The following RAD51C variants were observed in gnomAD, a reference collection of about 807,000 sequenced individuals.
The protein encoded by RAD51C is RAD51 paralog C, also known as DNA repair protein RAD51 homolog 3.
RAD51C carries 42 observed loss-of-function variants against 45.0 expected under a neutral mutation model. That is an observed-to-expected ratio of 0.93 (90% CI 0.73 to 1.21). RAD51C has a LOEUF of 1.21. Among genes scored for constraint, RAD51C ranks in the 50% most tolerant of loss-of-function variants. The pLI, the probability that RAD51C is intolerant of heterozygous loss-of-function variation, is 0.00. For missense variants in RAD51C, 474 were observed against 452.2 expected (o/e 1.05, Z -0.44); for synonymous variants, 172 against 159.8 (o/e 1.08, Z -0.58).
chr17:58,698,758 TA>T (rs1567790439), intron 3 of RAD51C, among the ~76,000 whole-genome samples: 2 of 151,058 alleles, frequency 1.3e-5, no homozygotes, highest in African/African-American at 4.8e-5. Context: ...CCGTCTGTAC[TA>T]AAAATACAAA....
At chr17:58,698,213 C>T (rs1314644134) in intron 3 of RAD51C, among the ~76,000 whole-genome samples, 10 of 135,868 alleles carry the variant, frequency 7.4e-5, no homozygotes, top group Admixed American at 4.5e-4. Flanking sequence ...GACAGGGTCT[C>T]ACTCTGTCGC....
intron 5 of RAD51C, 45 bp from the exon 6 acceptor site, chr17:58,720,701 T>C (rs2048887658): frequency 6.7e-7 from 1 of 1,481,894 alleles, no homozygotes; most frequent in Non-Finnish European, 9.4e-7. Context: ...TACTTGATAA[T>C]TTTCAAAGAG....
chr17:58,731,258 G>GTTTT (rs77247264), intron 7 of RAD51C, among the ~76,000 whole-genome samples: 1 of 135,192 alleles, frequency 7.4e-6, no homozygotes, highest in Non-Finnish European at 1.6e-5. Flanking sequence ...CTTAAAAGCA[G>GTTTT]TTTTTTTTTT....
In RAD51C at chr17:58,720,820, AT is replaced by A; in HGVS notation, c.904+10del. On this transcript the variant is annotated intron_variant, in intron 6 of 8. Transcript: ENST00000337432. ...TGCTTGTTCCTGCATTAGGTGGGTAATTAATCAGATAAACATTTTAGTTTAT... is the reference window on the plus strand; with the variant it reads ...TGCTTGTTCCTGCATTAGGTGGGTAATAATCAGATAAACATTTTAGTTTAT... 6.3e-7 allele frequency: 1 copy of A among 1,599,314 alleles called. No homozygotes were observed. The highest frequency in any genetic ancestry group is 8.6e-7 in the Non-Finnish European group (1 of 1,168,122).
chr17:58,732,592 A>T (rs752328276), intron 8 of RAD51C, 48 bp downstream of exon 8: 1 of 1,540,586 alleles, frequency 6.5e-7, no homozygotes, highest in Admixed American at 1.7e-5. Context: ...ATGGGCGGTA[A>T]TTATCTAAAG....
chr17:58,702,743 A>G (rs2048252382), intron 3 of RAD51C, among the ~76,000 whole-genome samples: 1 of 151,778 alleles, frequency 6.6e-6, no homozygotes, highest in African/African-American at 2.4e-5. Flanking sequence ...TATGCCTGTA[A>G]TCCCAGTGCT....
intron 7 of RAD51C, among the ~76,000 whole-genome samples, chr17:58,729,579 T>C (rs1412525241): frequency 6.6e-6 from 1 of 151,570 alleles, no homozygotes; most frequent in African/African-American, 2.4e-5. Context: ...TTTTGTTTTG[T>C]TTTGTTTTTT....
intron 3 of RAD51C, chr17:58,700,172 C>T (rs2048162584): frequency 6.6e-6 from 1 of 152,122 alleles, no homozygotes; most frequent in Admixed American, 6.6e-5. Flanking sequence ...TCTAACCAAA[C>T]TTTTGAGTTA....
At chr17:58,695,308 A>G in intron 2 of RAD51C, 119 bp downstream of exon 2, 1 of 1,434,650 alleles carries the variant, frequency 7.0e-7, no homozygotes, top group Non-Finnish European at 9.1e-7. Flanking sequence ...TTAAGTGTGT[A>G]TGTGCATTAA....
At position 58,696,872 on chromosome 17, in the gene RAD51C, A is replaced by G. The variant is rs1192897528; in HGVS notation, c.571+13A>G. 6.2e-7 allele frequency: 1 copy of G among 1,613,482 alleles called. No homozygotes were observed. The highest frequency in any genetic ancestry group is 8.5e-7 in the Non-Finnish European group (1 of 1,179,398). On this transcript the variant is annotated intron_variant, in intron 3 of 8. Transcript: ENST00000337432. ...CACAAGGGAGAGGGTAAGTTAGTAA[A>G]TGATCTTCTTTTTTTCTGTATTAAT...
intron 3 of RAD51C, among the ~76,000 whole-genome samples, chr17:58,701,047 A>G (rs930689921): frequency 2.6e-5 from 4 of 152,108 alleles, no homozygotes; most frequent in African/African-American, 9.6e-5. Flanking sequence ...ACAGGTGGGC[A>G]CTACCATGCC....
intron 5 of RAD51C, among the ~76,000 whole-genome samples, chr17:58,719,218 A>C (rs1361389678): frequency 6.6e-6 from 1 of 151,478 alleles, no homozygotes; most frequent in Admixed American, 6.6e-5. Context: ...AGCGAGACTC[A>C]GTCTTTCTTT....
In RAD51C at chr17:58,731,979, C is replaced by A. The variant is rs751255338; in HGVS notation, c.966-505C>A. Among the ~76,000 whole-genome samples, 26 of 152,118 alleles carry A rather than the reference C, an allele frequency of 1.7e-4. No individual in the cohort carries two copies. In the Middle Eastern group the frequency reaches 0.01, roughly 60 times the overall value. ...TGTAGTATAAGAAATTATCATAATT[C>A]TTCAGCAATAATTAAAAAAACATGA... On this transcript the variant is annotated intron_variant, in intron 7 of 8. Coordinates refer to ENST00000337432, the MANE Select transcript of RAD51C (RefSeq NM_058216.3).
chr17:58,694,227 T>C (rs1158103617), intron 1 of RAD51C: 16 of 152,294 alleles, frequency 1.1e-4, no homozygotes, highest in African/African-American at 3.9e-4. Context: ...AAGTTGTACC[T>C]TGTTTTAGGC....
At chr17:58,721,570 A>G (rs562606865) in intron 6 of RAD51C, among the ~76,000 whole-genome samples, 38 of 151,274 alleles carry the variant, frequency 2.5e-4, no homozygotes, top group African/African-American at 9.0e-4. Flanking sequence ...GAGCAGCCTG[A>G]CCAACATGGA....
chr17:58,720,948 G>A, intron 6 of RAD51C, 136 bp downstream of exon 6: 1 of 725,136 alleles, frequency 1.4e-6, no homozygotes. Flanking sequence ...TTAGCACTAA[G>A]CACAGTACCG....
At chr17:58,698,027 T>A (rs1348376162) in intron 3 of RAD51C, among the ~76,000 whole-genome samples, 2 of 151,528 alleles carry the variant, frequency 1.3e-5, no homozygotes, top group African/African-American at 4.9e-5. Context: ...TTTTTTCTTT[T>A]TTGAGACAGA....
intron 5 of RAD51C, among the ~76,000 whole-genome samples, chr17:58,717,773 A>G (rs1236379458): frequency 6.6e-6 from 1 of 152,132 alleles, no homozygotes; most frequent in Non-Finnish European, 1.5e-5. Context: ...CTGCCAATTT[A>G]AATTCCTGCT....
intron 5 of RAD51C, among the ~76,000 whole-genome samples, chr17:58,719,945 G>C (rs2048858811): frequency 6.6e-6 from 1 of 150,454 alleles, no homozygotes; most frequent in African/African-American, 2.4e-5. Flanking sequence ...AGCCAGGATG[G>C]TCTCGATCTC....
Sources: allele counts gnomAD v4.1 joint callset (sites outside exome capture counted in the v4.1 genomes callset), GRCh38; gene constraint gnomAD v4.1.1; transcripts MANE v1.5; gene names NCBI Gene and HGNC (gene_info 2026-07-23, HGNC 2026-07-21).